Variants in PRKG1 observed in about 807,000 individuals in gnomAD.
PRKG1 encodes cGMP-dependent protein kinase 1.
Under a neutral mutation model 88.1 loss-of-function variants are expected in PRKG1, and 35 were observed. The ratio of observed to expected loss-of-function variants is 0.40; its 90% CI spans 0.30 to 0.53. The LOEUF (loss-of-function observed/expected upper bound fraction) is 0.53, where lower values mean the gene tolerates loss of function less well. Among genes scored for constraint, PRKG1 ranks in the 20% least tolerant of loss-of-function variants. The pLI is 0.59. For missense variants in PRKG1, 540 were observed against 839.8 expected (o/e 0.64, Z 4.41); for synonymous variants, 303 against 292.5 (o/e 1.04, Z -0.37).
At chr10:51,099,409 A>ACACACG (rs1464228719) in intron 1 of PRKG1, among the ~76,000 whole-genome samples, 4 of 151,336 alleles carry the variant, frequency 2.6e-5, no homozygotes. Flanking sequence ...ACACACACAC[A>ACACACG]CACTCACTCA....
chr10:51,806,362 A>T (rs1839307693), intron 4 of PRKG1, among the ~76,000 whole-genome samples: 2 of 152,170 alleles, frequency 1.3e-5, no homozygotes, highest in African/African-American at 2.4e-5. Context: ...CTATTTCAGG[A>T]GATGAAGATG....
chr10:52,266,088 TA>T (rs1481836753), intron 10 of PRKG1, among the ~76,000 whole-genome samples: 2 of 151,998 alleles, frequency 1.3e-5, no homozygotes, highest in African/African-American at 4.8e-5. Context: ...AATGTGAAGA[TA>T]GTACAGAAAA....
At chr10:52,120,137 T>C (rs1270558288) in intron 7 of PRKG1, among the ~76,000 whole-genome samples, 2 of 152,000 alleles carry the variant, frequency 1.3e-5, no homozygotes, top group African/African-American at 4.8e-5. Flanking sequence ...ACTCCAGCAA[T>C]AGCAAACTCA....
chr10:52,181,419 C>CTTTTTT (rs761799361), intron 9 of PRKG1, among the ~76,000 whole-genome samples: 67 of 54,792 alleles, frequency 1.2e-3, no homozygotes, highest in Admixed American at 1.9e-3. Flanking sequence ...CACAGCTCTT[C>CTTTTTT]TTTTTTTTTT....
intron 3 of PRKG1, among the ~76,000 whole-genome samples, chr10:51,796,795 C>T (rs530387423): frequency 6.6e-6 from 1 of 152,160 alleles, no homozygotes; most frequent in South Asian, 2.1e-4. Context: ...CTGCTGAAGA[C>T]CTAGTTAGGA....
chr10:51,218,047 T>C (rs562160068), intron 2 of PRKG1, among the ~76,000 whole-genome samples: 4 of 152,300 alleles, frequency 2.6e-5, no homozygotes, highest in Admixed American at 1.3e-4. Context: ...CATGTTTACA[T>C]ACTTTGTAAT....
chr10:51,077,685 G>A (rs1843992814), intron 1 of PRKG1, among the ~76,000 whole-genome samples: 1 of 152,140 alleles, frequency 6.6e-6, no homozygotes, highest in Non-Finnish European at 1.5e-5. Flanking sequence ...CACTGAGCCA[G>A]GACACTCCTG....
At chr10:52,182,980 C>T in intron 9 of PRKG1, among the ~76,000 whole-genome samples, 1 of 152,084 alleles carries the variant, frequency 6.6e-6, no homozygotes, top group East Asian at 1.9e-4. Context: ...GGGGAGCAAG[C>T]ATTTTATATG....
intron 3 of PRKG1, among the ~76,000 whole-genome samples, chr10:51,574,555 C>G (rs150034533): frequency 6.6e-6 from 1 of 152,010 alleles, no homozygotes; most frequent in East Asian, 1.9e-4. Flanking sequence ...TATATTGAGG[C>G]TTTAGATTCA....
At chr10:51,222,740 T>A (rs1475163837) in intron 2 of PRKG1, among the ~76,000 whole-genome samples, 1 of 152,094 alleles carries the variant, frequency 6.6e-6, no homozygotes. Flanking sequence ...ACCATAAGTA[T>A]GAGTACTTCA....
intron 3 of PRKG1, 124 bp downstream of exon 3, chr10:51,467,960 C>T: frequency 3.7e-6 from 3 of 809,442 alleles, no homozygotes; most frequent in Non-Finnish European, 6.1e-6. Context: ...TAATTTTTGC[C>T]CTGCAATATA....
intron 9 of PRKG1, among the ~76,000 whole-genome samples, chr10:52,221,278 T>C (rs1329858293): frequency 2.6e-5 from 4 of 152,150 alleles, no homozygotes; most frequent in Non-Finnish European, 5.9e-5. Context: ...ACATAATAAA[T>C]GTTTATTGTT....
rs1375658424 is a variant in PRKG1 at position 51,886,741 on chromosome 10, A to G, written c.699-20766A>G. ...TTATTTCTTTTTTAGGGCTGAAATA[A>G]TGTTCTATTGTATGAAGACATTTGT... On this transcript the variant is annotated intron_variant, in intron 4 of 17. Coordinates refer to ENST00000373980, the MANE Select transcript of PRKG1 (RefSeq NM_006258.4). Among the ~76,000 whole-genome samples the G allele has an allele frequency of 3.3e-5, 5 of 152,140 alleles. No homozygotes were observed. The East Asian group carries it at 9.6e-4, about 29-fold the overall frequency.
chr10:51,454,526 T>G (rs1454080902), intron 2 of PRKG1, among the ~76,000 whole-genome samples: 2 of 152,178 alleles, frequency 1.3e-5, no homozygotes, highest in Non-Finnish European at 2.9e-5. Context: ...GTTCTCACAC[T>G]GATAATAAAG....
At chr10:52,179,824 G>T (rs557185085) in intron 9 of PRKG1, among the ~76,000 whole-genome samples, 1 of 152,268 alleles carries the variant, frequency 6.6e-6, no homozygotes, top group South Asian at 2.1e-4. Flanking sequence ...AAGTAGCTGG[G>T]ATTACAGGCA....
At chr10:52,038,391 A>G (rs1845670845) in intron 5 of PRKG1, among the ~76,000 whole-genome samples, 1 of 151,484 alleles carries the variant, frequency 6.6e-6, no homozygotes, top group East Asian at 2.0e-4. Flanking sequence ...AAGCACAGAA[A>G]TAAGGGGTAG....
rs61234082 is a variant in PRKG1 at position 52,204,743 on chromosome 10, C to A, written c.1076+42780C>A. ...GTGATGATTGCATGCACAAATTGTG[C>A]ACGCAAATTGTGATAAACTGCACAA... On this transcript the variant is annotated intron_variant, in intron 9 of 17. Coordinates refer to ENST00000373980, the MANE Select transcript of PRKG1 (RefSeq NM_006258.4). Among the ~76,000 whole-genome samples, 1,242 of 152,170 alleles carry A rather than the reference C, an allele frequency of 8.2e-3. 16 individuals carry two copies. Among genetic ancestry groups the A allele is most frequent in the African/African-American group, 0.028 (1,179 of 41,524 alleles).
At chr10:52,042,212 T>C (rs1400454908) in intron 5 of PRKG1, among the ~76,000 whole-genome samples, 1 of 152,006 alleles carries the variant, frequency 6.6e-6, no homozygotes, top group Non-Finnish European at 1.5e-5. Flanking sequence ...TTTGCAGAAA[T>C]AGAAAAATCA....
chr10:51,138,747 A>G lies in PRKG1; in HGVS notation c.312-14417A>G, dbSNP rs189406165. ...CACCAGGCTGGAGTACAGTGGCATG[A>G]TCTCGGCTCACTGCAACCTCTGCCT... On this transcript the variant is annotated intron_variant, in intron 1 of 17. Coordinates refer to ENST00000373980, the MANE Select transcript of PRKG1 (RefSeq NM_006258.4). Among the ~76,000 whole-genome samples the G allele has an allele frequency of 3.8e-3, 468 of 123,664 alleles. 2 individuals are homozygous for G. The highest frequency in any genetic ancestry group is 0.012 in the African/African-American group (392 of 32,192). The allele number at this position is 123,664 out of a possible 152,430, so 81.1% of individuals were successfully genotyped here.
Sources: allele counts gnomAD v4.1 joint callset (sites outside exome capture counted in the v4.1 genomes callset), GRCh38; gene constraint gnomAD v4.1.1; transcripts MANE v1.5; gene names NCBI Gene and HGNC (gene_info 2026-07-23, HGNC 2026-07-21).